The following EYS variants were observed in gnomAD, a reference collection of about 807,000 sequenced individuals.
The protein encoded by EYS is protein eyes shut homolog.
In EYS, 250 loss-of-function variants were observed where a neutral mutation model predicts 282.1. The observed-to-expected ratio is 0.89, with a 90% confidence interval of 0.80 to 0.98. EYS has a LOEUF of 0.98. Ranked by LOEUF, EYS falls within the 50% of genes least tolerant of loss-of-function variation. The probability of loss-of-function intolerance (pLI) is 0.00; values close to 1 mark genes in which losing one functional copy is unlikely to be tolerated. For missense variants in EYS, 4,016 were observed against 3,709.0 expected (o/e 1.08, Z -2.15); for synonymous variants, 1,355 against 1,282.9 (o/e 1.06, Z -1.20).
intron 10 of EYS, among the ~76,000 whole-genome samples, chr6:65,335,768 T>C (rs79608886): frequency 1.9e-3 from 284 of 151,800 alleles, no homozygotes; most frequent in Non-Finnish European, 3.0e-3. Context: ...AAAATCACCC[T>C]GCCCTTTACC....
intron 22 of EYS, among the ~76,000 whole-genome samples, chr6:64,686,819 A>ATGTG (rs1469325598): frequency 0.017 from 767 of 44,784 alleles, 4 homozygotes; most frequent in African/African-American, 0.04. Flanking sequence ...GTATATATAT[A>ATGTG]TGTGTATATA....
At chr6:64,563,023 G>A (rs1381952894) in intron 26 of EYS, among the ~76,000 whole-genome samples, 1 of 151,936 alleles carries the variant, frequency 6.6e-6, no homozygotes, top group East Asian at 1.9e-4. Flanking sequence ...TAATGGTTGT[G>A]AATAATGCAA....
At chr6:65,142,396 T>C (rs772371667) in intron 12 of EYS, among the ~76,000 whole-genome samples, 11 of 151,628 alleles carry the variant, frequency 7.3e-5, no homozygotes, top group Non-Finnish European at 1.6e-4. Flanking sequence ...AATACATCAG[T>C]AGATCTTTGT....
At chr6:65,602,883 T>G (rs1183188565) in intron 2 of EYS, among the ~76,000 whole-genome samples, 7 of 151,940 alleles carry the variant, frequency 4.6e-5, no homozygotes, top group Non-Finnish European at 8.8e-5. Context: ...TAATTTACAT[T>G]TGTTGTCCTA....
At chr6:64,212,550 C>A (rs1765811331) in intron 31 of EYS, among the ~76,000 whole-genome samples, 1 of 150,830 alleles carries the variant, frequency 6.6e-6, no homozygotes. Flanking sequence ...TGCTCGTGTA[C>A]AATTTGTGAG....
intron 31 of EYS, among the ~76,000 whole-genome samples, chr6:64,118,271 G>A (rs908916928): frequency 6.6e-6 from 1 of 152,032 alleles, no homozygotes; most frequent in Non-Finnish European, 1.5e-5. Context: ...GGCATCACAT[G>A]ATTTGACCTC....
chr6:64,389,587 G>GT (rs975994473), intron 28 of EYS, among the ~76,000 whole-genome samples: 2 of 152,182 alleles, frequency 1.3e-5, no homozygotes, highest in Admixed American at 1.3e-4. Flanking sequence ...TAGTCTATGG[G>GT]TTTTTTCATA....
chr6:65,666,442 A>C (rs2149829424), intron 1 of EYS, among the ~76,000 whole-genome samples: 1 of 151,938 alleles, frequency 6.6e-6, no homozygotes. Context: ...TCAGTTTTAA[A>C]ATGGGGATAA....
At chr6:64,774,912 T>C (rs1468711191) in intron 22 of EYS, among the ~76,000 whole-genome samples, 1 of 152,004 alleles carries the variant, frequency 6.6e-6, no homozygotes, top group Non-Finnish European at 1.5e-5. Context: ...TAGAGTGCTA[T>C]AAAATATTTG....
chr6:64,954,400 T>C (rs1287421211), intron 14 of EYS, among the ~76,000 whole-genome samples: 1 of 152,170 alleles, frequency 6.6e-6, no homozygotes, highest in Non-Finnish European at 1.5e-5. Context: ...TTGAATATTA[T>C]CTTCCTTATT....
At chr6:63,883,014 C>T (rs918942671) in intron 35 of EYS, among the ~76,000 whole-genome samples, 7 of 152,114 alleles carry the variant, frequency 4.6e-5, no homozygotes, top group Non-Finnish European at 1.5e-5. Context: ...TTTTACTCCC[C>T]AGCAGCTGAA....
intron 26 of EYS, among the ~76,000 whole-genome samples, chr6:64,457,440 G>C (rs1250048120): frequency 6.6e-6 from 1 of 151,856 alleles, no homozygotes; most frequent in Non-Finnish European, 1.5e-5. Flanking sequence ...TGGATAATCT[G>C]TTCATTGCTA....
At chr6:65,627,569 G>T (rs540654397) in intron 2 of EYS, among the ~76,000 whole-genome samples, 1 of 152,136 alleles carries the variant, frequency 6.6e-6, no homozygotes, top group Non-Finnish European at 1.5e-5. Flanking sequence ...CCGCGCTTGC[G>T]GGCCAGCTGG....
intron 2 of EYS, among the ~76,000 whole-genome samples, chr6:65,595,601 T>C (rs908739340): frequency 4.6e-5 from 7 of 151,836 alleles, no homozygotes; most frequent in African/African-American, 1.7e-4. Flanking sequence ...AGTTAATGCA[T>C]GTAAAATACC....
intron 22 of EYS, among the ~76,000 whole-genome samples, chr6:64,681,040 A>G (rs892609681): frequency 2.0e-5 from 3 of 152,180 alleles, no homozygotes; most frequent in African/African-American, 4.8e-5. Flanking sequence ...AGAAATGGGG[A>G]AAAAAGCAGC....
chr6:64,035,894 T>C (rs1770098475), intron 33 of EYS, among the ~76,000 whole-genome samples: 1 of 152,222 alleles, frequency 6.6e-6, no homozygotes, highest in Non-Finnish European at 1.5e-5. Context: ...CTAGCATATC[T>C]TATTAAAATT....
intron 31 of EYS, among the ~76,000 whole-genome samples, chr6:64,149,799 T>G (rs1316179115): frequency 6.6e-6 from 1 of 152,226 alleles, no homozygotes; most frequent in East Asian, 1.9e-4. Flanking sequence ...TCTCTATGTC[T>G]GAGTTAACCT....
intron 12 of EYS, among the ~76,000 whole-genome samples, chr6:65,151,405 T>C (rs1764609243): frequency 6.6e-6 from 1 of 151,978 alleles, no homozygotes. Flanking sequence ...ACTCAACCTG[T>C]AGGAAGCTTT....
intron 12 of EYS, among the ~76,000 whole-genome samples, chr6:65,071,318 C>G (rs377014183): frequency 3.3e-5 from 5 of 151,904 alleles, no homozygotes; most frequent in African/African-American, 1.2e-4. Flanking sequence ...TTTTAACTTT[C>G]AGCCTATTTG....
Sources: allele counts gnomAD v4.1 joint callset (sites outside exome capture counted in the v4.1 genomes callset), GRCh38; gene constraint gnomAD v4.1.1; transcripts MANE v1.5; gene names NCBI Gene and HGNC (gene_info 2026-07-23, HGNC 2026-07-21).